DLG5: variants seen among roughly 807,000 people sequenced by gnomAD.
DLG5 encodes the protein disks large homolog 5.
A neutral mutation model predicts 189.8 loss-of-function variants in DLG5; 48 were observed. That is an observed-to-expected ratio of 0.25 (90% CI 0.20 to 0.32). The LOEUF is 0.32. Among genes scored for constraint, DLG5 ranks in the 10% least tolerant of loss-of-function variants. DLG5 has a pLI of 1.00. For synonymous variants in DLG5, 1,016 were observed against 1,054.1 expected (o/e 0.96, Z 0.70); for missense variants, 2,160 against 2,544.7 (o/e 0.85, Z 3.25).
intron 20 of DLG5, 97 bp downstream of exon 20, chr10:77,816,454 C>T (rs1308753891): frequency 6.4e-7 from 1 of 1,565,816 alleles, no homozygotes; most frequent in Admixed American, 1.7e-5. Flanking sequence ...ACTCCTGCTG[C>T]TTCTACTAAG....
At chr10:77,841,817 G>A (rs1007400534) in intron 7 of DLG5, 64 bp downstream of exon 7, 20 of 1,547,964 alleles carry the variant, frequency 1.3e-5, no homozygotes, top group Non-Finnish European at 1.6e-5. Flanking sequence ...CACGCACTCT[G>A]CAGCCCCTCT....
At chr10:77,844,729 T>C (rs1247691058) in intron 5 of DLG5, among the ~76,000 whole-genome samples, 1 of 152,018 alleles carries the variant, frequency 6.6e-6, no homozygotes, top group East Asian at 1.9e-4. Context: ...AAATAAAAAA[T>C]AAAACAGAAT....
intron 4 of DLG5, 115 bp from the exon 5 acceptor site, chr10:77,853,652 G>T: frequency 9.2e-7 from 1 of 1,087,830 alleles, no homozygotes; most frequent in Non-Finnish European, 1.3e-6. Flanking sequence ...GCGGACAGGA[G>T]CCAATGGCAG....
At chr10:77,849,277 G>A (rs1360249752) in intron 5 of DLG5, among the ~76,000 whole-genome samples, 1 of 152,256 alleles carries the variant, frequency 6.6e-6, no homozygotes, top group Non-Finnish European at 1.5e-5. Context: ...CAAGGCGTGG[G>A]AGGAACCCGG....
chr10:77,828,781 A>C, intron 13 of DLG5, 101 bp downstream of exon 13: 3 of 1,124,276 alleles, frequency 2.7e-6, no homozygotes, highest in Non-Finnish European at 3.9e-6. Context: ...GCCCACAACA[A>C]GGAAAATATA....
At chr10:77,922,805 T>C (rs1195027681) in intron 1 of DLG5, among the ~76,000 whole-genome samples, 3 of 152,028 alleles carry the variant, frequency 2.0e-5, no homozygotes, top group Non-Finnish European at 4.4e-5. Context: ...GAGCCACACC[T>C]CCAACAAAAA....
At chr10:77,806,297 G>A (rs1841468870) in intron 26 of DLG5, 1 of 226,904 alleles carries the variant, frequency 4.4e-6, no homozygotes, top group Non-Finnish European at 8.7e-6. Flanking sequence ...GGAGACCCAT[G>A]GGTATCAAAA....
chr10:77,911,336 G>A (rs1239361846), intron 1 of DLG5, among the ~76,000 whole-genome samples: 2 of 152,150 alleles, frequency 1.3e-5, no homozygotes, highest in Non-Finnish European at 2.9e-5. Flanking sequence ...GCTCAGGCTG[G>A]TCTCGAACTC....
intron 1 of DLG5, among the ~76,000 whole-genome samples, chr10:77,921,303 G>A (rs939521468): frequency 2.6e-5 from 4 of 152,178 alleles, no homozygotes; most frequent in Admixed American, 2.0e-4. Flanking sequence ...ATGAAGAAAA[G>A]GTGGCTGGTA....
In DLG5 at chr10:77,816,538, C is replaced by T. The variant is rs1416877599; in HGVS notation, c.4025+13G>A. 8.7e-6 allele frequency: 14 copies of T among 1,613,872 alleles called. No individual in the cohort carries two copies. The highest frequency in any genetic ancestry group is 1.3e-5 in the African/African-American group (1 of 74,934). Reference sequence around the variant, plus strand: ...CTGGTTTACCCACTCCACCGATGACCGGCCATGCTCACCTGTCCTTTCTCC... The same window carrying T: ...CTGGTTTACCCACTCCACCGATGACTGGCCATGCTCACCTGTCCTTTCTCC... On this transcript the variant is annotated intron_variant, in intron 20 of 31. Coordinates refer to ENST00000372391, the MANE Select transcript of DLG5 (RefSeq NM_004747.4).
chr10:77,836,483 G>A (rs1337013402), intron 7 of DLG5, among the ~76,000 whole-genome samples: 3 of 151,976 alleles, frequency 2.0e-5, no homozygotes, highest in Admixed American at 6.6e-5. Flanking sequence ...TGGTGTCCCC[G>A]CCCCGAGACT....
chr10:77,927,473 CTCCTAAGAGAA>C (rs887072570), upstream of DLG5: 1 of 152,232 alleles, frequency 6.6e-6, no homozygotes, highest in Non-Finnish European at 1.5e-5. Flanking sequence ...CTCCAAGGAG[CTCCTAAGAGAA>C]TTTCCCAGTA....
intron 8 of DLG5, 118 bp from the exon 9 acceptor site, chr10:77,834,157 C>G (rs982112492): frequency 2.2e-6 from 3 of 1,363,518 alleles, no homozygotes; most frequent in Admixed American, 2.5e-5. Context: ...TATCCCATCC[C>G]CAGATGCACA....
chr10:77,808,120 G>A (rs1466877120), intron 24 of DLG5, 176 bp from the exon 25 acceptor site: 5 of 790,520 alleles, frequency 6.3e-6, no homozygotes, highest in Non-Finnish European at 9.8e-6. Context: ...CAGTCTCCAG[G>A]TCCTGTGCAT....
At chr10:77,869,764 T>G (rs1844826798) in intron 1 of DLG5, among the ~76,000 whole-genome samples, 3 of 152,212 alleles carry the variant, frequency 2.0e-5, no homozygotes, top group African/African-American at 7.2e-5. Flanking sequence ...CACTTTTTTT[T>G]GTCCACACTT....
chr10:77,794,981 A>G, intron 29 of DLG5, 23 bp from the exon 30 acceptor site: 1 of 1,606,248 alleles, frequency 6.2e-7, no homozygotes, highest in Non-Finnish European at 8.5e-7. Context: ...GTGCAGAGTG[A>G]GCCCTGGCGG....
intron 1 of DLG5, among the ~76,000 whole-genome samples, chr10:77,903,511 G>A (rs1845990271): frequency 6.6e-6 from 1 of 151,860 alleles, no homozygotes; most frequent in Non-Finnish European, 1.5e-5. Flanking sequence ...CCAGCTACTG[G>A]GGAAGCTGAG....
rs542416632 is a variant in DLG5 at position 77,843,393 on chromosome 10, C to T, written c.1124+54G>A. On this transcript the variant is annotated intron_variant, in intron 6 of 31. Transcript: ENST00000372391. ...TGCTGTTCTCATCCCCTGGTGGTGG[C>T]TGGGAACCTTATAGGACCCATTTGC... 1.6e-4 allele frequency: 255 copies of T among 1,585,166 alleles called. 3 individuals carry two copies. The Middle Eastern group carries it at 1.7e-3, about 10-fold the overall frequency.
chr10:77,845,415 T>A (rs1843638394), intron 5 of DLG5: 1 of 152,122 alleles, frequency 6.6e-6, no homozygotes, highest in Admixed American at 6.5e-5. Flanking sequence ...GATGGAACAC[T>A]CCCTTTGGAA....
Sources: allele counts gnomAD v4.1 joint callset (sites outside exome capture counted in the v4.1 genomes callset), GRCh38; gene constraint gnomAD v4.1.1; transcripts MANE v1.5; gene names NCBI Gene and HGNC (gene_info 2026-07-23, HGNC 2026-07-21).